Variants in NCKAP5 observed in about 807,000 individuals in gnomAD.
NCKAP5 encodes nck-associated protein 5.
A neutral mutation model predicts 167.0 loss-of-function variants in NCKAP5; 92 were observed. The ratio of observed to expected loss-of-function variants is 0.55; its 90% CI spans 0.47 to 0.66. The LOEUF (loss-of-function observed/expected upper bound fraction) is 0.66, where lower values mean the gene tolerates loss of function less well. Ranked by LOEUF, NCKAP5 falls within the 30% of genes least tolerant of loss-of-function variation. NCKAP5 has a pLI of 0.00. For synonymous variants in NCKAP5, 891 were observed against 877.4 expected (o/e 1.02, Z -0.27); for missense variants, 2,378 against 2,315.0 (o/e 1.03, Z -0.56).
intron 3 of NCKAP5, among the ~76,000 whole-genome samples, chr2:133,375,395 C>T (rs578121806): frequency 6.6e-6 from 1 of 152,214 alleles, no homozygotes; most frequent in South Asian, 2.1e-4. Context: ...TCTGAAAAAC[C>T]GGATAATAAC....
chr2:133,008,263 A>G (rs967402897), intron 6 of NCKAP5, among the ~76,000 whole-genome samples: 1 of 151,634 alleles, frequency 6.6e-6, no homozygotes, highest in African/African-American at 2.4e-5. Flanking sequence ...ATTGATTGTC[A>G]CTCTCCTTTC....
intron 11 of NCKAP5, among the ~76,000 whole-genome samples, chr2:132,813,812 G>C (rs188081170): frequency 1.6e-4 from 25 of 152,296 alleles, no homozygotes; most frequent in African/African-American, 5.8e-4. Context: ...TTTATAAGAT[G>C]GGTGCTTCCT....
chr2:132,768,117 G>A (rs989464291), intron 16 of NCKAP5, among the ~76,000 whole-genome samples: 1 of 152,158 alleles, frequency 6.6e-6, no homozygotes, highest in African/African-American at 2.4e-5. Flanking sequence ...TGGGAAGATC[G>A]TTGTTTTCAA....
intron 4 of NCKAP5, among the ~76,000 whole-genome samples, chr2:133,238,972 AC>A (rs1362017633): frequency 2.6e-5 from 4 of 152,170 alleles, no homozygotes; most frequent in African/African-American, 9.7e-5. Context: ...TTAATAGTGA[AC>A]CCCAATTCCT....
In NCKAP5 at chr2:132,878,862, G is replaced by A. The variant is rs1462459301; in HGVS notation, c.634C>T (p.Arg212Ter). ...ENENQREQYE[R>*]CLDEVANQVV... ...ATCCCCCTTACCTCATCAAGACATCGCTCATATTGTTCCCTTTGATTTTCA... is the reference window on the plus strand; with the variant it reads ...ATCCCCCTTACCTCATCAAGACATCACTCATATTGTTCCCTTTGATTTTCA... The change falls in exon 9 of 20, where the codon CGA (arginine) becomes TGA (stop). Residue 212 changes from arginine to a stop codon, truncating the protein, a stop_gained. Transcript: ENST00000409261. LOFTEE classifies it high-confidence loss of function. The A allele has an allele frequency of 1.9e-6, 3 of 1,613,122 alleles. No homozygotes were observed. Among genetic ancestry groups the A allele is most frequent in the African/African-American group, 1.3e-5 (1 of 74,868 alleles).
At chr2:133,537,445 T>A (rs1460554588) in intron 2 of NCKAP5, among the ~76,000 whole-genome samples, 1 of 152,134 alleles carries the variant, frequency 6.6e-6, no homozygotes, top group Non-Finnish European at 1.5e-5. Context: ...TTGATGTCTT[T>A]CCATTTATTC....
intron 2 of NCKAP5, among the ~76,000 whole-genome samples, chr2:133,557,513 A>G (rs904093194): frequency 1.3e-5 from 2 of 152,230 alleles, no homozygotes; most frequent in African/African-American, 4.8e-5. Flanking sequence ...TAATGAAATT[A>G]TGAGTCTGCA....
At chr2:133,214,315 C>T (rs540497659) in intron 4 of NCKAP5, among the ~76,000 whole-genome samples, 4 of 152,160 alleles carry the variant, frequency 2.6e-5, no homozygotes, top group African/African-American at 9.6e-5. Context: ...TTCATTATGC[C>T]CATTTTATAG....
chr2:132,945,819 A>G (rs1268887335), intron 8 of NCKAP5, among the ~76,000 whole-genome samples: 1 of 152,188 alleles, frequency 6.6e-6, no homozygotes, highest in Non-Finnish European at 1.5e-5. Flanking sequence ...TACATCCCCA[A>G]ACTTAGTGAG....
intron 6 of NCKAP5, among the ~76,000 whole-genome samples, chr2:133,020,780 C>G (rs1417340770): frequency 1.3e-5 from 2 of 152,312 alleles, no homozygotes; most frequent in East Asian, 3.9e-4. Context: ...TACCCTACCA[C>G]ATCAGGGACA....
the NCKAP5 span, among the ~76,000 whole-genome samples, chr2:133,670,717 A>G: frequency 4.6e-5 from 7 of 152,306 alleles, no homozygotes; most frequent in Middle Eastern, 3.4e-3. Context: ...TTTTAAGCCA[A>G]ATATTTCACT....
intron 3 of NCKAP5, among the ~76,000 whole-genome samples, chr2:133,408,269 G>A (rs114913016): frequency 2.0e-4 from 30 of 152,290 alleles, no homozygotes; most frequent in African/African-American, 6.3e-4. Context: ...TGCTAAAATG[G>A]AACAGTGGAC....
At chr2:133,137,244 T>G (rs2082819723) in intron 5 of NCKAP5, among the ~76,000 whole-genome samples, 1 of 152,192 alleles carries the variant, frequency 6.6e-6, no homozygotes, top group Non-Finnish European at 1.5e-5. Context: ...ACTTGAGGAT[T>G]GATTTTTTAA....
chr2:132,733,114 G>T (rs778713365), intron 16 of NCKAP5, among the ~76,000 whole-genome samples: 1 of 152,158 alleles, frequency 6.6e-6, no homozygotes, highest in South Asian at 2.1e-4. Flanking sequence ...TATATACGGA[G>T]AAAAGTACAG....
chr2:133,580,228 T>C, the NCKAP5 span, among the ~76,000 whole-genome samples: 1 of 152,202 alleles, frequency 6.6e-6, no homozygotes, highest in African/African-American at 2.4e-5. Context: ...TTAAGCCCCA[T>C]TCTACCTCCT....
chr2:133,279,073 T>C (rs2089845833), intron 4 of NCKAP5, among the ~76,000 whole-genome samples: 2 of 152,346 alleles, frequency 1.3e-5, no homozygotes, highest in South Asian at 4.1e-4. Flanking sequence ...AAATATAAAT[T>C]AGTTCAACCA....
At chr2:132,903,984 C>T (rs1470276704) in intron 8 of NCKAP5, among the ~76,000 whole-genome samples, 1 of 152,110 alleles carries the variant, frequency 6.6e-6, no homozygotes, top group Admixed American at 6.5e-5. Flanking sequence ...TATTTCCCCA[C>T]ACCATTAAAA....
chr2:132,915,922 A>G (rs1430345864), intron 8 of NCKAP5, among the ~76,000 whole-genome samples: 1 of 152,012 alleles, frequency 6.6e-6, no homozygotes, highest in African/African-American at 2.4e-5. Flanking sequence ...AAACAGATAA[A>G]ATACCCAACA....
At chr2:133,213,173 T>C (rs1189819902) in intron 5 of NCKAP5, among the ~76,000 whole-genome samples, 3 of 152,152 alleles carry the variant, frequency 2.0e-5, no homozygotes, top group Non-Finnish European at 4.4e-5. Flanking sequence ...ATGAAGTTGC[T>C]ATGGACCAAA....
Sources: allele counts gnomAD v4.1 joint callset (sites outside exome capture counted in the v4.1 genomes callset), GRCh38; gene constraint gnomAD v4.1.1; transcripts MANE v1.5; gene names NCBI Gene and HGNC (gene_info 2026-07-23, HGNC 2026-07-21).